Variants in TBCD observed in about 807,000 individuals in gnomAD.
The protein encoded by TBCD is tubulin-specific chaperone D.
Under a neutral mutation model 169.3 loss-of-function variants are expected in TBCD, and 105 were observed. The observed-to-expected ratio is 0.62, with a 90% CI of 0.53 to 0.73. The LOEUF (loss-of-function observed/expected upper bound fraction) is 0.73. Ranked by LOEUF, TBCD falls within the 30% of genes least tolerant of loss-of-function variation. The pLI, the probability that TBCD is intolerant of heterozygous loss-of-function variation, is 0.00. For missense variants in TBCD, 1,444 were observed against 1,600.1 expected, an observed-to-expected ratio of 0.90 and a Z score of 1.66; for synonymous variants, 700 against 643.9, an observed-to-expected ratio of 1.09 and a Z score of -1.32.
At chr17:82,902,051 G>C (rs2059929618) in intron 18 of TBCD, among the ~76,000 whole-genome samples, 1 of 152,228 alleles carries the variant, frequency 6.6e-6, no homozygotes, top group African/African-American at 2.4e-5. Flanking sequence ...GTTGCTGTCT[G>C]TCTCTGCCTC....
At chr17:82,810,780 C>G (rs1289865929) in intron 12 of TBCD, among the ~76,000 whole-genome samples, 1 of 152,216 alleles carries the variant, frequency 6.6e-6, no homozygotes, top group Non-Finnish European at 1.5e-5. Flanking sequence ...GACACCGTGG[C>G]GAAAGCTGTG....
chr17:82,849,299 C>T (rs536301055), intron 13 of TBCD, among the ~76,000 whole-genome samples: 47 of 148,756 alleles, frequency 3.2e-4, no homozygotes, highest in African/African-American at 1.1e-3. Context: ...GTCTTCTCCA[C>T]CTCGATGTCC....
rs1169463842 is a variant in TBCD, at chr17:82,872,641, CA to C, written c.1475+2268del. On this transcript the variant is annotated intron_variant, in intron 14 of 38. Coordinates refer to ENST00000355528, the MANE Select transcript of TBCD (RefSeq NM_005993.5). Reference sequence around the variant, plus strand: ...TGATCCTGTAACTAGGAAGTGAAAGCAAAAAAATGTATCTTTCTTATTGTTG... The same window carrying C: ...TGATCCTGTAACTAGGAAGTGAAAGCAAAAAATGTATCTTTCTTATTGTTG... Among the ~76,000 whole-genome samples the C allele has an allele frequency of 4.6e-5, 7 of 151,676 alleles. No individual in the cohort carries two copies. In the East Asian group the frequency reaches 1.4e-3, roughly 30 times the overall value.
intron 7 of TBCD, chr17:82,795,407 C>A (rs949509945): frequency 6.2e-6 from 2 of 323,762 alleles, no homozygotes; most frequent in African/African-American, 2.2e-5. Flanking sequence ...CTTTGTCCTG[C>A]GTCCGCCCAC....
At chr17:82,888,938 T>A (rs1334107074) in intron 15 of TBCD, among the ~76,000 whole-genome samples, 2 of 152,036 alleles carry the variant, frequency 1.3e-5, no homozygotes, top group East Asian at 3.9e-4. Flanking sequence ...CTTTGCTGGG[T>A]CTTCCTGGGA....
chr17:82,766,125 A>G, intron 3 of TBCD, 142 bp from the exon 4 acceptor site: 1 of 683,364 alleles, frequency 1.5e-6, no homozygotes, highest in South Asian at 1.9e-5. Flanking sequence ...CGGTCTTACT[A>G]AATTGTGTCA....
Position 82,855,235 on chromosome 17 carries a change from CTTTTTTTTTTTTTTTT to C in TBCD, c.1319-14968_1319-14953del, listed in dbSNP as rs58346723. ...CCAGAGGGGCAGGGAAAGGTGTTTG[CTTTTTTTTTTTTTTTT>C]TTTTTTTTTTTTTTTTTTTTAATTT... On this transcript the variant is annotated intron_variant, in intron 13 of 38. Transcript: ENST00000355528. Among the ~76,000 whole-genome samples the C allele has an allele frequency of 6.0e-3, 324 of 54,048 alleles. 3 individuals are homozygous for C. The highest frequency in any genetic ancestry group is 0.017 in the Middle Eastern group (1 of 58). The allele number at this position is 54,048 out of a possible 152,430, so 35.5% of individuals were successfully genotyped here.
intron 22 of TBCD, among the ~76,000 whole-genome samples, chr17:82,910,847 G>A (rs1403053395): frequency 1.3e-5 from 2 of 152,324 alleles, no homozygotes; most frequent in East Asian, 3.9e-4. Flanking sequence ...ATTACAGGCT[G>A]AGCCACCGCG....
chr17:82,917,478 G>A (rs1344076468), intron 23 of TBCD, among the ~76,000 whole-genome samples: 3 of 152,036 alleles, frequency 2.0e-5, no homozygotes, highest in Non-Finnish European at 2.9e-5. Context: ...ATCATCTGGA[G>A]CCTCTGTGGC....
Position 82,801,304 on chromosome 17 carries a change from T to C in TBCD, c.950+308T>C, listed in dbSNP as rs201229726. ...GAGAAGATGTGTTAGTAACAAGTGT[T>C]TTCTGCTTTCATTCATTTCTTTAAT... is the stretch of plus-strand genomic sequence containing the variant. On this transcript the variant is annotated intron_variant, in intron 9 of 38. Transcript: ENST00000355528. Among the ~76,000 whole-genome samples the C allele has an allele frequency of 2.6e-5, 4 of 152,192 alleles. No homozygotes were observed. The East Asian group carries it at 7.7e-4, about 29-fold the overall frequency.
chr17:82,759,687 T>C (rs2047649546), intron 2 of TBCD, among the ~76,000 whole-genome samples: 1 of 152,184 alleles, frequency 6.6e-6, no homozygotes, highest in South Asian at 2.1e-4. Flanking sequence ...TGGCCTTTGG[T>C]AGTACGGTTA....
At chr17:82,921,325 G>GA in intron 24 of TBCD, 176 bp from the exon 25 acceptor site, 3 of 617,722 alleles carry the variant, frequency 4.9e-6, no homozygotes, top group Non-Finnish European at 8.8e-6. Context: ...GCCATGAGAG[G>GA]AAGGGGCCTT....
At chr17:82,825,489 G>A (rs1208480940) in intron 13 of TBCD, among the ~76,000 whole-genome samples, 4 of 152,126 alleles carry the variant, frequency 2.6e-5, no homozygotes, top group African/African-American at 4.8e-5. Flanking sequence ...TCAGCACTGC[G>A]CCTGTGTTTA....
chr17:82,898,098 C>A lies in TBCD; in HGVS notation c.1650-2553C>A, dbSNP rs56158667. 2.8e-5 allele frequency among the ~76,000 whole-genome samples: 4 copies of A among 143,434 alleles called. No homozygotes were observed. The East Asian group carries it at 8.1e-4, about 29-fold the overall frequency. The allele number at this position is 143,434 out of a possible 152,430, so 94.1% of individuals were successfully genotyped here. A position where few individuals can be genotyped will look rare whatever the true frequency, so the allele number is the denominator to read the frequency against. Reference sequence around the variant, plus strand: ...GGCTCTGGGTTTTGGTGTGAGCACACGGCATGGCTCTGTTCTCCCCGGCTG... The same window carrying A: ...GGCTCTGGGTTTTGGTGTGAGCACAAGGCATGGCTCTGTTCTCCCCGGCTG... On this transcript the variant is annotated intron_variant, in intron 17 of 38. Transcript: ENST00000355528.
At chr17:82,911,296 C>T in intron 22 of TBCD, among the ~76,000 whole-genome samples, 1 of 151,936 alleles carries the variant, frequency 6.6e-6, no homozygotes, top group East Asian at 1.9e-4. Flanking sequence ...CGCGCCTGCC[C>T]TTGTGCACCA....
At chr17:82,845,393 G>T (rs769904563) in intron 13 of TBCD, among the ~76,000 whole-genome samples, 1 of 145,402 alleles carries the variant, frequency 6.9e-6, no homozygotes, top group Non-Finnish European at 1.5e-5. Context: ...CTTCCTCTCC[G>T]TCCTGTCCAG....
chr17:82,816,848 TAAAAA>T (rs35049574), intron 13 of TBCD, among the ~76,000 whole-genome samples: 7 of 115,772 alleles, frequency 6.0e-5, no homozygotes, highest in Admixed American at 9.2e-5. Context: ...CCTGCTTCTT[TAAAAA>T]AAAAAAAAAA....
In TBCD at chr17:82,864,777, C is replaced by T. The variant is rs1423298013; in HGVS notation, c.1319-5447C>T. 6.6e-6 allele frequency among the ~76,000 whole-genome samples: 1 copy of T among 152,036 alleles called. No individual in the cohort carries two copies. Among genetic ancestry groups the T allele is most frequent in the African/African-American group, 2.4e-5 (1 of 41,388 alleles). ...GAGCAGGTGATGCATATCCGGGCGC[C>T]CACCCTAGCAGCACAGGAAGGGCTG... On this transcript the variant is annotated intron_variant, in intron 13 of 38. Coordinates refer to ENST00000355528, the MANE Select transcript of TBCD (RefSeq NM_005993.5). This position sits in a 1 kb window ranked among gnomAD's most constrained non-coding sequence, Gnocchi z 6.3.
Position 82,831,976 on chromosome 17 carries a change from G to A in TBCD, c.1318+17042G>A. The A allele has an allele frequency of 1.2e-6, 2 of 1,613,688 alleles. No individual in the cohort carries two copies. The highest frequency in any genetic ancestry group is 2.2e-5 in the East Asian group (1 of 44,862). On this transcript the variant is annotated intron_variant, in intron 13 of 38. Coordinates refer to ENST00000355528, the MANE Select transcript of TBCD (RefSeq NM_005993.5). The surrounding 1 kb of genome is among the most constrained non-coding windows in gnomAD (Gnocchi z 4.6). ...GTGCTCGCCGACTGGAACAAATGCA[G>A]AAGGCCGAGCTGCGCCTTCCAGAGC... is the stretch of plus-strand genomic sequence containing the variant.
Sources: gnomAD v4.1 joint callset for allele counts (sites outside exome capture counted in the v4.1 genomes callset) on GRCh38, gnomAD v4.1.1 for gene constraint, Gnocchi (gnomAD v3.1) non-coding constraint, MANE v1.5 for transcripts, NCBI Gene and HGNC (gene_info 2026-07-23, HGNC 2026-07-21) for gene names.